ZNF148: variants seen among roughly 807,000 people sequenced by gnomAD.
ZNF148 encodes Beta-Enolase Repressor Factor-1.
In ZNF148, 7 loss-of-function variants were observed where a neutral mutation model predicts 67.7. The ratio of observed to expected loss-of-function variants is 0.10; its 90% CI spans 0.06 to 0.19. The LOEUF is 0.19. Ranked by LOEUF, ZNF148 falls within the 10% of genes least tolerant of loss-of-function variation. The pLI is 1.00. For missense variants in ZNF148, 583 were observed against 947.1 expected (o/e 0.62, Z 5.05); for synonymous variants, 333 against 330.7 (o/e 1.01, Z -0.08).
chr3:125,247,980 A>T (rs1936676252), intron 7 of ZNF148, among the ~76,000 whole-genome samples: 1 of 152,166 alleles, frequency 6.6e-6, no homozygotes, highest in Non-Finnish European at 1.5e-5. Flanking sequence ...ACACTTCCAC[A>T]TCTCACTTTT....
At chr3:125,362,404 C>A (rs184730728) in intron 1 of ZNF148, among the ~76,000 whole-genome samples, 1 of 152,000 alleles carries the variant, frequency 6.6e-6, no homozygotes, top group Non-Finnish European at 1.5e-5. Context: ...GTATTTATTG[C>A]TTCCATATTC....
chr3:125,234,960 A>C (rs1341327173), intron 7 of ZNF148, among the ~76,000 whole-genome samples: 1 of 151,810 alleles, frequency 6.6e-6, no homozygotes, highest in Admixed American at 6.6e-5. Context: ...TCCCCTAATG[A>C]CTCCTAGAAT....
chr3:125,316,360 C>G (rs1444024762), intron 3 of ZNF148, among the ~76,000 whole-genome samples: 1 of 152,122 alleles, frequency 6.6e-6, no homozygotes, highest in African/African-American at 2.4e-5. Context: ...GGAAATATAC[C>G]CAGCAGTGCG....
chr3:125,269,205 CAAAAAA>C (rs71148173), intron 7 of ZNF148, among the ~76,000 whole-genome samples: 4 of 96,870 alleles, frequency 4.1e-5, no homozygotes, highest in South Asian at 3.9e-4. Flanking sequence ...CGGTCTCTAC[CAAAAAA>C]AAAAAAAAAA....
rs1478636268 is a variant in ZNF148, at chr3:125,233,801, C to T, written c.925G>A (p.Asp309Asn). Residue 309 changes from aspartate (D) to asparagine (N), a missense_variant, in exon 9 of 9, where the codon GAC (aspartate) becomes AAC (asparagine). Around this residue, in one of 5 missense-constraint regions of ZNF148, gnomAD observed 78 missense variants for 86.5 expected, o/e 0.90. Coordinates refer to ENST00000360647, the MANE Select transcript of ZNF148 (RefSeq NM_021964.3). The surrounding 1 kb of genome is among the most constrained non-coding windows in gnomAD (Gnocchi z 5.1). ...EDSGFSTSPK[D>N]NSLPKKKRQK... ...CTTTTCTTTTTTGGCAGTGAGTTGT[C>T]TTTTGGTGATGTAGAAAAGCCAGAA... 6.2e-7 allele frequency: 1 copy of T among 1,613,660 alleles called. No individual in the cohort carries two copies. Among genetic ancestry groups the T allele is most frequent in the Admixed American group, 1.7e-5 (1 of 59,974 alleles).
chr3:125,278,232 C>T (rs1282218369), intron 6 of ZNF148, among the ~76,000 whole-genome samples: 1 of 152,064 alleles, frequency 6.6e-6, no homozygotes, highest in Admixed American at 6.6e-5. Context: ...TTCTTCAGAA[C>T]CTTCAGAACT....
chr3:125,232,526 G>C lies in ZNF148; in HGVS notation c.2200C>G (p.Arg734Gly). Residue 734 changes from arginine to glycine, a missense_variant, in exon 9 of 9, where the codon CGT becomes GGT. Arg to Gly is a moderately radical substitution (Grantham distance 125). Transcript: ENST00000360647. The surrounding 1 kb of genome is among the most constrained non-coding windows in gnomAD (Gnocchi z 4.2). Reference protein sequence around the residue: ...YQMSSFEQPFRAPYHGSRAGI... With the variant: ...YQMSSFEQPFGAPYHGSRAGI... ...GCTCTTGATCCATGATAGGGAGCAC[G>C]GAAGGGCTGTTCAAAGGAGCTCATT... is the stretch of plus-strand genomic sequence containing the variant. 1 of 1,613,712 alleles carries C rather than the reference G, an allele frequency of 6.2e-7. No homozygotes were observed. The highest frequency in any genetic ancestry group is 1.1e-5 in the South Asian group (1 of 91,068).
intron 5 of ZNF148, among the ~76,000 whole-genome samples, chr3:125,286,474 T>C (rs1338929305): frequency 6.6e-6 from 1 of 152,174 alleles, no homozygotes; most frequent in Non-Finnish European, 1.5e-5. Flanking sequence ...TGGTATAACA[T>C]TTCTGAAAAG....
chr3:125,277,106 C>A (rs548352183), intron 7 of ZNF148, among the ~76,000 whole-genome samples: 16 of 152,260 alleles, frequency 1.1e-4, no homozygotes, highest in African/African-American at 3.8e-4. Flanking sequence ...TTAGAGGCAA[C>A]AAAGGCAAAG....
chr3:125,368,397 C>T (rs1942765675), intron 1 of ZNF148, among the ~76,000 whole-genome samples: 1 of 152,336 alleles, frequency 6.6e-6, no homozygotes, highest in Admixed American at 6.5e-5. Flanking sequence ...TAACTAACTA[C>T]ATGTGAAGCT....
intron 1 of ZNF148, among the ~76,000 whole-genome samples, chr3:125,351,660 T>G (rs1008609502): frequency 6.6e-6 from 1 of 152,150 alleles, no homozygotes; most frequent in African/African-American, 2.4e-5. Context: ...ATTTACCTGA[T>G]AAGTCTAACA....
intron 6 of ZNF148, 132 bp from the exon 7 acceptor site, chr3:125,277,941 T>C: frequency 1.7e-6 from 1 of 587,880 alleles, no homozygotes; most frequent in Non-Finnish European, 2.8e-6. Flanking sequence ...AAATTTTTAA[T>C]GTTATTAACA....
At chr3:125,243,118 A>G (rs938164729) in intron 7 of ZNF148, among the ~76,000 whole-genome samples, 4 of 152,196 alleles carry the variant, frequency 2.6e-5, no homozygotes, top group African/African-American at 9.7e-5. Flanking sequence ...CTTTTCACCT[A>G]GGAAGAAAAA....
chr3:125,235,819 A>G (rs1215906949), intron 7 of ZNF148, among the ~76,000 whole-genome samples: 2 of 151,802 alleles, frequency 1.3e-5, no homozygotes, highest in Non-Finnish European at 2.9e-5. Context: ...ATGAAGCTGG[A>G]AACCATCATT....
In ZNF148 at chr3:125,313,653, CT is replaced by C. The variant is rs1560164031; in HGVS notation, c.-14del. On this transcript the variant is annotated splice_region_variant and 5_prime_UTR_variant, in exon 4 of 9. Coordinates refer to ENST00000360647, the MANE Select transcript of ZNF148 (RefSeq NM_021964.3). Reference sequence around the variant, plus strand: ...CGTCAATGTTCATGCTTAAGTATAACTGCCTAGAAAACCAAGTTTGGCAACA... The same window carrying C: ...CGTCAATGTTCATGCTTAAGTATAACGCCTAGAAAACCAAGTTTGGCAACA... 1 of 1,594,840 alleles carries C rather than the reference CT, an allele frequency of 6.3e-7. No homozygotes were observed. The highest frequency in any genetic ancestry group is 1.1e-5 in the South Asian group (1 of 90,044).
At position 125,232,684 on chromosome 3, in the gene ZNF148, C is replaced by A; in HGVS notation, c.2042G>T (p.Gly681Val). 1 of 1,613,834 alleles carries A rather than the reference C, an allele frequency of 6.2e-7. No homozygotes were observed. The highest frequency in any genetic ancestry group is 8.5e-7 in the Non-Finnish European group (1 of 1,179,790). Reference sequence around the variant, plus strand: ...AAAGGGAAATGAGTGCTGTGAATCACCAACTATTAGTCCAAAGTGGGACTT... The same window carrying A: ...AAAGGGAAATGAGTGCTGTGAATCAACAACTATTAGTCCAAAGTGGGACTT... ...PDKSHFGLIV[G>V]DSQHSFPFSG... Residue 681 changes from glycine (G) to valine (V), a missense_variant, in exon 9 of 9, where the codon GGT becomes GTT. By Grantham distance (109) the Gly-to-Val change is moderately radical. Coordinates refer to ENST00000360647, the MANE Select transcript of ZNF148 (RefSeq NM_021964.3). The surrounding 1 kb of genome is among the most constrained non-coding windows in gnomAD (Gnocchi z 4.2).
intron 1 of ZNF148, among the ~76,000 whole-genome samples, chr3:125,355,078 A>G (rs1433771585): frequency 1.3e-5 from 2 of 152,202 alleles, no homozygotes; most frequent in Non-Finnish European, 2.9e-5. Context: ...CAATGTCTTC[A>G]TCTACATACT....
rs748948288 is a variant in ZNF148, at chr3:125,232,778, C to T, written c.1948G>A (p.Val650Ile). 3 of 1,613,882 alleles carry T rather than the reference C, an allele frequency of 1.9e-6. No individual in the cohort carries two copies. In the Admixed American group the frequency reaches 5.0e-5, roughly 27 times the overall value. Residue 650 changes from valine (V) to isoleucine (I), a missense_variant, in exon 9 of 9, where the codon GTC becomes ATC. Val to Ile is a conservative substitution (Grantham distance 29). Around this residue, in one of 5 missense-constraint regions of ZNF148, gnomAD observed 158 missense variants for 208.4 expected, o/e 0.76. Coordinates refer to ENST00000360647, the MANE Select transcript of ZNF148 (RefSeq NM_021964.3). This position sits in a 1 kb window ranked among gnomAD's most constrained non-coding sequence, Gnocchi z 4.2. The stretch of plus-strand genomic sequence containing the variant: ...CTATTGATGGGCATGGTGGCATAGA[C>T]CTGCTTGTCTATGGAAGAGAATGCT... ...QPAFSSIDKQ[V>I]YATMPINSFR...
intron 1 of ZNF148, among the ~76,000 whole-genome samples, chr3:125,341,963 C>T (rs1941739708): frequency 7.0e-6 from 1 of 143,340 alleles, no homozygotes; most frequent in African/African-American, 2.6e-5. Flanking sequence ...GCCACTAACT[C>T]CAGCCTGGGT....
Sources: allele counts gnomAD v4.1 joint callset (sites outside exome capture counted in the v4.1 genomes callset), GRCh38; gene constraint gnomAD v4.1.1; regional missense constraint gnomAD v4.1.1; non-coding constraint Gnocchi (gnomAD v3.1); transcripts MANE v1.5; gene names NCBI Gene and HGNC (gene_info 2026-07-23, HGNC 2026-07-21).